PPARGC1A: variants seen among roughly 807,000 people sequenced by gnomAD.
PPARGC1A encodes peroxisome proliferator-activated receptor gamma coactivator 1-alpha.
In PPARGC1A, 25 loss-of-function variants were observed where a neutral mutation model predicts 88.7. The ratio of observed to expected loss-of-function variants is 0.28; its 90% CI spans 0.21 to 0.39. The LOEUF (loss-of-function observed/expected upper bound fraction) is 0.39. Ranked by LOEUF, PPARGC1A falls within the 10% of genes least tolerant of loss-of-function variation. PPARGC1A has a pLI of 1.00. For synonymous variants in PPARGC1A, 363 were observed against 355.6 expected, an observed-to-expected ratio of 1.02 and a Z score of -0.24; for missense variants, 880 against 968.7, an observed-to-expected ratio of 0.91 and a Z score of 1.22.
At chr4:24,214,887 TG>T in the PPARGC1A span, among the ~76,000 whole-genome samples, 1 of 152,124 alleles carries the variant, frequency 6.6e-6, no homozygotes, top group Non-Finnish European at 1.5e-5. Context: ...TTGGCAGAAA[TG>T]GCACAGGAGA....
chr4:24,024,659 C>T, the PPARGC1A span, among the ~76,000 whole-genome samples: 1 of 152,184 alleles, frequency 6.6e-6, no homozygotes, highest in Non-Finnish European at 1.5e-5. Flanking sequence ...AAATGAAAAG[C>T]AGCAAGCGTC....
the PPARGC1A span, among the ~76,000 whole-genome samples, chr4:24,049,558 T>C: frequency 6.6e-6 from 1 of 151,772 alleles, no homozygotes; most frequent in Non-Finnish European, 1.5e-5. Context: ...AAGGTGAGAA[T>C]AGAGGAAAGA....
At chr4:24,375,156 C>T in the PPARGC1A span, among the ~76,000 whole-genome samples, 3 of 151,966 alleles carry the variant, frequency 2.0e-5, no homozygotes, top group Non-Finnish European at 4.4e-5. Context: ...TAATCAGGCC[C>T]CAAATGTGAA....
chr4:24,006,480 C>A, the PPARGC1A span, among the ~76,000 whole-genome samples: 1 of 152,158 alleles, frequency 6.6e-6, no homozygotes, highest in Non-Finnish European at 1.5e-5. Context: ...TGAGTCTGCC[C>A]CTTAACATTG....
At chr4:24,333,322 C>T in the PPARGC1A span, among the ~76,000 whole-genome samples, 1 of 152,156 alleles carries the variant, frequency 6.6e-6, no homozygotes, top group African/African-American at 2.4e-5. Flanking sequence ...ATTTCAAATA[C>T]TTAAAAATAC....
the PPARGC1A span, among the ~76,000 whole-genome samples, chr4:24,344,898 A>C: frequency 6.6e-6 from 1 of 152,144 alleles, no homozygotes; most frequent in Non-Finnish European, 1.5e-5. Context: ...TTTTAGGTTT[A>C]AGTTGTTAAT....
chr4:24,185,689 G>A, the PPARGC1A span, among the ~76,000 whole-genome samples: 1 of 151,862 alleles, frequency 6.6e-6, no homozygotes, highest in Non-Finnish European at 1.5e-5. Flanking sequence ...TTTCTTTCAG[G>A]GCTCTAGAAT....
chr4:23,977,376 G>C, the PPARGC1A span, among the ~76,000 whole-genome samples: 4 of 152,194 alleles, frequency 2.6e-5, no homozygotes, highest in African/African-American at 9.7e-5. Context: ...GATATTTTAA[G>C]TAAAATTACC....
the PPARGC1A span, among the ~76,000 whole-genome samples, chr4:23,997,098 G>T: frequency 1.3e-5 from 2 of 152,150 alleles, no homozygotes; most frequent in Non-Finnish European, 2.9e-5. Context: ...GTTAAGATTT[G>T]AGTGTGCATA....
At chr4:23,890,330 T>A (rs981882996), upstream of PPARGC1A, 14 of 193,058 alleles carry the variant, frequency 7.3e-5, no homozygotes, top group African/African-American at 3.2e-4. Flanking sequence ...TGCCACAGAC[T>A]CTAAACGGAG....
intron 2 of PPARGC1A, among the ~76,000 whole-genome samples, chr4:23,862,062 C>T (rs1317692337): frequency 6.6e-6 from 1 of 152,232 alleles, no homozygotes; most frequent in Non-Finnish European, 1.5e-5. Flanking sequence ...AAGAATGTCA[C>T]AAACAGTGCC....
chr4:24,433,851 C>T, the PPARGC1A span, among the ~76,000 whole-genome samples: 2 of 152,142 alleles, frequency 1.3e-5, no homozygotes, highest in Non-Finnish European at 2.9e-5. Flanking sequence ...ATTAAGTCTC[C>T]TCAACCTGGC....
chr4:24,115,327 T>C, the PPARGC1A span, among the ~76,000 whole-genome samples: 1 of 152,120 alleles, frequency 6.6e-6, no homozygotes, highest in African/African-American at 2.4e-5. Flanking sequence ...TTTAAATCGG[T>C]AAATAATAAA....
At chr4:24,240,784 C>CT in the PPARGC1A span, among the ~76,000 whole-genome samples, 1 of 151,914 alleles carries the variant, frequency 6.6e-6, no homozygotes, top group Non-Finnish European at 1.5e-5. Context: ...AGGCTGTTCT[C>CT]TATCTGGCAG....
At chr4:24,217,450 A>T in the PPARGC1A span, among the ~76,000 whole-genome samples, 2 of 152,168 alleles carry the variant, frequency 1.3e-5, no homozygotes, top group African/African-American at 2.4e-5. Flanking sequence ...ATGGAAGAGC[A>T]TGAAGGTTTG....
At chr4:24,083,320 G>T in the PPARGC1A span, among the ~76,000 whole-genome samples, 2 of 152,076 alleles carry the variant, frequency 1.3e-5, no homozygotes, top group Non-Finnish European at 1.5e-5. Context: ...CATAGATTAG[G>T]CGAAGGATAA....
At chr4:24,297,629 A>C in the PPARGC1A span, among the ~76,000 whole-genome samples, 4 of 152,274 alleles carry the variant, frequency 2.6e-5, no homozygotes, top group Admixed American at 2.6e-4. Flanking sequence ...CCATTGCAGG[A>C]ACCAAAAAAT....
At chr4:24,166,685 A>T in the PPARGC1A span, among the ~76,000 whole-genome samples, 1 of 152,242 alleles carries the variant, frequency 6.6e-6, no homozygotes, top group Non-Finnish European at 1.5e-5. Flanking sequence ...ATCATGCTAA[A>T]TATATTGTGT....
At chr4:24,387,946 A>AAGAAAGAAAGAAAGAAAG in the PPARGC1A span, among the ~76,000 whole-genome samples, 2 of 137,496 alleles carry the variant, frequency 1.5e-5, no homozygotes, top group African/African-American at 6.2e-5. Context: ...GAAAGAAAGA[A>AAGAAAGAAAGAAAGAAAG]AGAAAGAAAG....
Sources: allele counts gnomAD v4.1 joint callset (sites outside exome capture counted in the v4.1 genomes callset), GRCh38; gene constraint gnomAD v4.1.1; transcripts MANE v1.5; gene names NCBI Gene and HGNC (gene_info 2026-07-23, HGNC 2026-07-21).